Variants in CPNE4 observed in about 807,000 individuals in gnomAD.
The protein encoded by CPNE4 is copine-4.
CPNE4 carries 25 observed loss-of-function variants against 67.9 expected under a neutral mutation model. That is an observed-to-expected ratio of 0.37 (90% CI 0.27 to 0.51). The LOEUF (loss-of-function observed/expected upper bound fraction) is 0.51. Ranked by LOEUF, CPNE4 falls within the 20% of genes least tolerant of loss-of-function variation. The pLI is 0.93. For synonymous variants in CPNE4, 242 were observed against 244.9 expected (o/e 0.99, Z 0.11); for missense variants, 464 against 690.8 (o/e 0.67, Z 3.68).
Position 131,931,911 on chromosome 3 carries a change from C to T in CPNE4, c.-1-26467G>A, listed in dbSNP as rs145386050. ...TTATATTATTCTAAGAAAGAGAAAA[C>T]AATCTCCTTGGTTCTTACAGCTCCA... On this transcript the variant is annotated intron_variant, in intron 1 of 15. Transcript: ENST00000429747. 5.4e-3 allele frequency among the ~76,000 whole-genome samples: 821 copies of T among 152,268 alleles called. 3 individuals carry two copies. Among genetic ancestry groups the T allele is most frequent in the African/African-American group, 0.019 (774 of 41,562 alleles).
At chr3:131,954,876 T>C (rs375623713) in intron 1 of CPNE4, among the ~76,000 whole-genome samples, 24 of 152,178 alleles carry the variant, frequency 1.6e-4, no homozygotes, top group African/African-American at 5.3e-4. Flanking sequence ...ATGCCACATT[T>C]TCTTAATCCA....
At chr3:131,817,053 C>T (rs148733487) in intron 2 of CPNE4, among the ~76,000 whole-genome samples, 5 of 152,288 alleles carry the variant, frequency 3.3e-5, no homozygotes, top group East Asian at 3.9e-4. Context: ...TGAAGACTTA[C>T]ATTTGCCTAA....
At chr3:131,553,242 A>G (rs1936280660) in intron 12 of CPNE4, among the ~76,000 whole-genome samples, 1 of 152,082 alleles carries the variant, frequency 6.6e-6, no homozygotes, top group Non-Finnish European at 1.5e-5. Flanking sequence ...GATATTTCCA[A>G]GCTCTGACTC....
chr3:131,878,840 C>A (rs1278258650), intron 2 of CPNE4, among the ~76,000 whole-genome samples: 1 of 152,230 alleles, frequency 6.6e-6, no homozygotes, highest in Non-Finnish European at 1.5e-5. Context: ...GAACCTCATT[C>A]ACTCATGCAA....
At chr3:131,952,484 G>A (rs180983222) in intron 1 of CPNE4, among the ~76,000 whole-genome samples, 289 of 83,330 alleles carry the variant, frequency 3.5e-3, no homozygotes, top group South Asian at 7.8e-3. Flanking sequence ...GGGGGTCAGC[G>A]CCCCGCCAGG....
chr3:131,863,823 C>G (rs367818101), intron 2 of CPNE4, among the ~76,000 whole-genome samples: 2 of 152,120 alleles, frequency 1.3e-5, no homozygotes, highest in African/African-American at 2.4e-5. Context: ...TTCTTCTAGG[C>G]TTTTTATGGT....
intron 3 of CPNE4, among the ~76,000 whole-genome samples, chr3:131,718,518 G>A (rs535620999): frequency 6.6e-5 from 10 of 152,158 alleles, no homozygotes; most frequent in South Asian, 4.2e-4. Flanking sequence ...GTGTCTTTGC[G>A]TGTACCAGTC....
chr3:132,003,169 G>A (rs537346003), intron 1 of CPNE4, among the ~76,000 whole-genome samples: 3 of 152,186 alleles, frequency 2.0e-5, no homozygotes, highest in South Asian at 2.1e-4. Context: ...TATGGCTTGC[G>A]TATGCATTGA....
At chr3:131,582,367 T>C (rs1937894938) in intron 8 of CPNE4, among the ~76,000 whole-genome samples, 1 of 152,194 alleles carries the variant, frequency 6.6e-6, no homozygotes, top group Non-Finnish European at 1.5e-5. Context: ...GTCTCCAGCC[T>C]ACAGAAGATT....
Position 131,699,858 on chromosome 3 carries a change from C to T in CPNE4, c.432+51G>A, listed in dbSNP as rs148551652. ...AGTGTCTGGTTTGGGCTGGCCAGTC[C>T]GCCCAGGCTCTCCACTCAGGCAGAC... On this transcript the variant is annotated intron_variant, in intron 4 of 15. Transcript: ENST00000429747. 8.7e-4 allele frequency: 1,320 copies of T among 1,523,240 alleles called. 2 individuals are homozygous for T. In the Middle Eastern group the frequency reaches 0.011, roughly 13 times the overall value. The allele number at this position is 1,523,240 out of a possible 1,614,324, so 94.4% of individuals were successfully genotyped here. A position where few individuals can be genotyped will look rare whatever the true frequency, so the allele number is the denominator to read the frequency against.
chr3:131,874,809 G>A (rs920247593), intron 2 of CPNE4, among the ~76,000 whole-genome samples: 1 of 152,132 alleles, frequency 6.6e-6, no homozygotes, highest in Admixed American at 6.5e-5. Flanking sequence ...AATGGGAAAC[G>A]TTGGAAAAAA....
At chr3:131,825,196 T>TA (rs72231926) in intron 2 of CPNE4, among the ~76,000 whole-genome samples, 2 of 151,728 alleles carry the variant, frequency 1.3e-5, no homozygotes, top group Non-Finnish European at 2.9e-5. Flanking sequence ...GAGCAGCAAA[T>TA]AAAAAAAGTG....
chr3:131,754,188 G>A (rs1011728283), intron 2 of CPNE4, among the ~76,000 whole-genome samples: 1 of 152,022 alleles, frequency 6.6e-6, no homozygotes, highest in East Asian at 1.9e-4. Context: ...GAAATGATAG[G>A]CACTGTGTTT....
chr3:131,542,575 G>A lies in CPNE4; in HGVS notation c.1521C>T (p.Pro507=), dbSNP rs1481477827. The change falls in exon 15 of 16, where the codon CCC becomes CCT. Residue 507 remains proline (P), a synonymous_variant. Transcript: ENST00000429747. ...PVLRDIVQFV[P]FRNFKHASPA... is the part of the protein sequence containing the mutation. ...TGCATACGTGTTTGAAGTTCCTGAA[G>A]GGCACGAACTGGACGATGTCTCGAA... The A allele has an allele frequency of 1.2e-6, 2 of 1,613,584 alleles. No homozygotes were observed. Among genetic ancestry groups the A allele is most frequent in the Non-Finnish European group, 1.7e-6 (2 of 1,179,540 alleles).
chr3:131,973,452 G>C (rs540375618), intron 1 of CPNE4, among the ~76,000 whole-genome samples: 8 of 152,272 alleles, frequency 5.3e-5, no homozygotes, highest in African/African-American at 1.9e-4. Context: ...CTCTGATATG[G>C]ATCAGGCATG....
At chr3:131,934,797 G>T (rs2071175634) in intron 1 of CPNE4, among the ~76,000 whole-genome samples, 1 of 152,126 alleles carries the variant, frequency 6.6e-6, no homozygotes, top group African/African-American at 2.4e-5. Flanking sequence ...TAAAGCAGGG[G>T]GAATGGGTGA....
chr3:131,711,391 G>A (rs545012319), intron 3 of CPNE4, among the ~76,000 whole-genome samples: 2 of 152,140 alleles, frequency 1.3e-5, no homozygotes, highest in Non-Finnish European at 2.9e-5. Flanking sequence ...CAGTTTTACT[G>A]GTTTGAATCT....
chr3:131,871,168 A>G (rs918263915), intron 2 of CPNE4, among the ~76,000 whole-genome samples: 3 of 152,170 alleles, frequency 2.0e-5, no homozygotes, highest in African/African-American at 7.2e-5. Context: ...AAAGAACTAG[A>G]AACAGAAAAA....
intron 1 of CPNE4, among the ~76,000 whole-genome samples, chr3:131,941,859 CTTTTAT>C (rs2071399034): frequency 1.3e-5 from 2 of 151,856 alleles, no homozygotes; most frequent in South Asian, 4.1e-4. Flanking sequence ...GACTTTAGTT[CTTTTAT>C]TAAAACCTAA....
Sources: gnomAD v4.1 joint callset for allele counts (sites outside exome capture counted in the v4.1 genomes callset) on GRCh38, gnomAD v4.1.1 for gene constraint, MANE v1.5 for transcripts, NCBI Gene and HGNC (gene_info 2026-07-23, HGNC 2026-07-21) for gene names.